CSMD2: variants seen among roughly 807,000 people sequenced by gnomAD.
The protein encoded by CSMD2 is CUB and sushi domain-containing protein 2.
CSMD2 carries 130 observed loss-of-function variants against 398.5 expected under a neutral mutation model. The observed-to-expected ratio is 0.33, with a 90% CI of 0.28 to 0.38. CSMD2 has a LOEUF of 0.38. Ranked by LOEUF, CSMD2 falls within the 10% of genes least tolerant of loss-of-function variation. CSMD2 has a pLI of 1.00. For missense variants in CSMD2, 3,829 were observed against 4,764.9 expected (o/e 0.80, Z 5.78); for synonymous variants, 1,828 against 1,908.5 (o/e 0.96, Z 1.10).
chr1:33,844,276 CTG>C (rs919707966), intron 6 of CSMD2, among the ~76,000 whole-genome samples: 86 of 122,560 alleles, frequency 7.0e-4, no homozygotes, highest in African/African-American at 2.3e-3. Flanking sequence ...GTTGTCATGA[CTG>C]TGTGTGTGTG....
At chr1:34,071,063 C>T (rs1407445220) in intron 2 of CSMD2, among the ~76,000 whole-genome samples, 1 of 152,162 alleles carries the variant, frequency 6.6e-6, no homozygotes, top group Non-Finnish European at 1.5e-5. Context: ...GTTCACGCTT[C>T]CTTCCTTATG....
At chr1:33,792,819 ACT>A (rs912721330) in intron 10 of CSMD2, among the ~76,000 whole-genome samples, 1 of 151,676 alleles carries the variant, frequency 6.6e-6, no homozygotes. Context: ...AGATGATTAG[ACT>A]CTTTCTTCAC....
intron 53 of CSMD2, among the ~76,000 whole-genome samples, chr1:33,562,942 C>T (rs1295399936): frequency 6.6e-6 from 1 of 152,196 alleles, no homozygotes; most frequent in East Asian, 1.9e-4. Flanking sequence ...TGAGCCAGTT[C>T]CTTAAAATAA....
At chr1:34,114,870 A>G (rs1487298013) in intron 1 of CSMD2, among the ~76,000 whole-genome samples, 1 of 152,218 alleles carries the variant, frequency 6.6e-6, no homozygotes, top group African/African-American at 2.4e-5. Flanking sequence ...ATGATGCATG[A>G]ACAAAATGAC....
At chr1:33,785,355 A>C (rs1371472770) in intron 12 of CSMD2, among the ~76,000 whole-genome samples, 1 of 152,216 alleles carries the variant, frequency 6.6e-6, no homozygotes, top group Non-Finnish European at 1.5e-5. Context: ...TTTATAAGGA[A>C]TTGAAATTAT....
chr1:34,058,723 T>A (rs1341532890), intron 2 of CSMD2, among the ~76,000 whole-genome samples: 6 of 152,180 alleles, frequency 3.9e-5, no homozygotes, highest in Non-Finnish European at 7.4e-5. Context: ...ACCGCACACC[T>A]GGCCTTCAGC....
intron 37 of CSMD2, among the ~76,000 whole-genome samples, chr1:33,621,417 T>C (rs962446358): frequency 6.6e-6 from 1 of 152,100 alleles, no homozygotes; most frequent in Non-Finnish European, 1.5e-5. Context: ...TGCACCTCTC[T>C]GTCTATGTGT....
chr1:33,741,436 G>A (rs1052321064), intron 14 of CSMD2, among the ~76,000 whole-genome samples: 1 of 152,172 alleles, frequency 6.6e-6, no homozygotes, highest in African/African-American at 2.4e-5. Context: ...TGTAGATTCT[G>A]GGGCCCCATC....
chr1:33,931,468 C>T (rs1644310982), intron 4 of CSMD2, among the ~76,000 whole-genome samples: 1 of 149,770 alleles, frequency 6.7e-6, no homozygotes, highest in East Asian at 2.0e-4. Flanking sequence ...AGAGATGAAC[C>T]TGAAGGTAGG....
chr1:34,080,607 G>T (rs1352391094), intron 2 of CSMD2, among the ~76,000 whole-genome samples: 1 of 151,774 alleles, frequency 6.6e-6, no homozygotes, highest in Non-Finnish European at 1.5e-5. Context: ...GTCAAAGAAA[G>T]AACAAAATTG....
At position 33,532,988 on chromosome 1, in the gene CSMD2, C is replaced by T. The variant is rs149247781; in HGVS notation, c.10171+62G>A. ...CCTTCTCTTTTGCCCTCTTTCAGCT[C>T]AAGTTCAGCCAGCACTTTCAGCCTC... On this transcript the variant is annotated intron_variant, in intron 64 of 70. Transcript: ENST00000373381. The T allele has an allele frequency of 5.4e-3, 7,901 of 1,452,672 alleles. 26 individuals carry two copies. Among genetic ancestry groups the T allele is most frequent in the Non-Finnish European group, 6.5e-3 (7,043 of 1,080,388 alleles). 90.0% of individuals were successfully genotyped at this position (1,452,672 alleles called of 1,614,324 possible).
intron 37 of CSMD2, among the ~76,000 whole-genome samples, chr1:33,619,654 A>C (rs1200343872): frequency 6.6e-6 from 1 of 152,202 alleles, no homozygotes; most frequent in Non-Finnish European, 1.5e-5. Context: ...ACACCTGTCA[A>C]AACCACAGAA....
chr1:33,713,985 T>C (rs980466951), intron 21 of CSMD2, among the ~76,000 whole-genome samples: 2 of 152,326 alleles, frequency 1.3e-5, no homozygotes, highest in South Asian at 4.1e-4. Flanking sequence ...GTGAAGAATT[T>C]CTCTGTTTTG....
At chr1:34,111,863 G>A (rs977855308) in intron 1 of CSMD2, among the ~76,000 whole-genome samples, 5 of 152,142 alleles carry the variant, frequency 3.3e-5, no homozygotes, top group African/African-American at 1.2e-4. Flanking sequence ...GAGCTAAGAA[G>A]CTTTTCTCAA....
chr1:33,565,692 A>G (rs1369600311), intron 53 of CSMD2, among the ~76,000 whole-genome samples: 4 of 152,178 alleles, frequency 2.6e-5, no homozygotes, highest in Non-Finnish European at 5.9e-5. Context: ...CCTCCTCACC[A>G]AAAACAAAAC....
At chr1:33,639,255 G>A (rs965508513) in intron 29 of CSMD2, among the ~76,000 whole-genome samples, 10 of 152,132 alleles carry the variant, frequency 6.6e-5, no homozygotes, top group East Asian at 1.9e-4. Context: ...AATCCTGGGC[G>A]CTGTCCTCCA....
At chr1:34,043,340 C>A (rs1009255313) in intron 2 of CSMD2, among the ~76,000 whole-genome samples, 1 of 152,190 alleles carries the variant, frequency 6.6e-6, no homozygotes, top group Non-Finnish European at 1.5e-5. Flanking sequence ...TACCTTCCCC[C>A]CAACCCTGCA....
At chr1:33,989,998 A>G (rs752790469) in intron 3 of CSMD2, among the ~76,000 whole-genome samples, 6 of 152,170 alleles carry the variant, frequency 3.9e-5, no homozygotes, top group Non-Finnish European at 7.3e-5. Flanking sequence ...TATTAATTAC[A>G]TATCAATAAG....
At chr1:33,656,217 C>T (rs1396583602) in intron 27 of CSMD2, among the ~76,000 whole-genome samples, 1 of 152,094 alleles carries the variant, frequency 6.6e-6, no homozygotes, top group Non-Finnish European at 1.5e-5. Flanking sequence ...TAGGCGTGTC[C>T]TCACCCCACA....
Sources: allele counts gnomAD v4.1 joint callset (sites outside exome capture counted in the v4.1 genomes callset), GRCh38; gene constraint gnomAD v4.1.1; transcripts MANE v1.5; gene names NCBI Gene and HGNC (gene_info 2026-07-23, HGNC 2026-07-21).